GPI: variants seen among roughly 807,000 people sequenced by gnomAD.
The protein encoded by GPI is D-hexose-6-phosphate anomerase.
In GPI, 56 loss-of-function variants were observed where a neutral mutation model predicts 75.8. That is an observed-to-expected ratio of 0.74 (90% CI 0.60 to 0.92). The LOEUF is 0.92. Among genes scored for constraint, GPI ranks in the 40% least tolerant of loss-of-function variants. The probability of loss-of-function intolerance (pLI) is 0.00; values close to 1 mark genes in which losing one functional copy is unlikely to be tolerated. For missense variants in GPI, 638 were observed against 741.0 expected, an observed-to-expected ratio of 0.86 and a Z score of 1.61; for synonymous variants, 288 against 285.4, an observed-to-expected ratio of 1.01 and a Z score of -0.09.
intron 1 of GPI, chr19:34,365,928 G>C: frequency 2.1e-6 from 1 of 484,760 alleles, no homozygotes; most frequent in South Asian, 1.5e-5. Flanking sequence ...TCATGGGCGG[G>C]AGTGCGGCCA....
chr19:34,385,383 A>T (rs906381534), intron 9 of GPI, among the ~76,000 whole-genome samples: 7 of 151,668 alleles, frequency 4.6e-5, no homozygotes, highest in South Asian at 2.1e-4. Context: ...AAAAGAAAAA[A>T]GATGGGTGGG....
At chr19:34,364,190 G>A (rs8191356), upstream of GPI, among the ~76,000 whole-genome samples, 34,103 of 151,348 alleles carry the variant, frequency 0.23, 4,426 homozygotes, top group East Asian at 0.62. Context: ...CACATGCCCC[G>A]CTAATTTATT....
chr19:34,391,281 A>G (rs796431676), intron 9 of GPI, among the ~76,000 whole-genome samples: 1 of 5,150 alleles, frequency 1.9e-4, no homozygotes, highest in African/African-American at 1.0e-3. Flanking sequence ...GGGTCTGTCC[A>G]TGTCTAAGGA....
At chr19:34,389,888 A>G (rs2074796309) in intron 9 of GPI, among the ~76,000 whole-genome samples, 1 of 152,210 alleles carries the variant, frequency 6.6e-6, no homozygotes, top group Admixed American at 6.5e-5. Flanking sequence ...TGTGCTAGAA[A>G]TGTGGGAGGT....
intron 9 of GPI, among the ~76,000 whole-genome samples, chr19:34,385,227 T>A (rs1447707144): frequency 1.3e-5 from 2 of 151,948 alleles, no homozygotes; most frequent in Non-Finnish European, 2.9e-5. Context: ...CACACGCCTG[T>A]AATCCCAGCT....
At position 34,379,985 on chromosome 19, in the gene GPI, G is replaced by GTTTTTTTTTTTTTTTTTTTTTTTTTTT. The variant is rs1356302354; in HGVS notation, c.750+427_750+428insTTTTTTTTTTTTTTTTTTTTTTTTTTT. On this transcript the variant is annotated intron_variant, in intron 8 of 17. Transcript: ENST00000356487. ...TTTTGCCCCCTACTTAGTGTGTGTG[G>GTTTTTTTTTTTTTTTTTTTTTTTTTTT]TTTTGTTTTTTTTTTTTTTTTTTTT... 2 of 127,574 alleles carry GTTTTTTTTTTTTTTTTTTTTTTTTTTT rather than the reference G, an allele frequency of 1.6e-5. 1 individual carries two copies. The highest frequency in any genetic ancestry group is 7.9e-5 in the African/African-American group (2 of 25,198). 7.9% of individuals were successfully genotyped at this position (127,574 alleles called of 1,614,324 possible).
intron 9 of GPI, among the ~76,000 whole-genome samples, chr19:34,385,371 A>AG (rs1192889577): frequency 6.6e-6 from 1 of 151,980 alleles, no homozygotes; most frequent in East Asian, 1.9e-4. Context: ...AAAAAAAAAA[A>AG]AAAAAGAAAA....
intron 9 of GPI, among the ~76,000 whole-genome samples, chr19:34,382,213 C>T (rs902396345): frequency 1.3e-5 from 2 of 152,118 alleles, no homozygotes; most frequent in African/African-American, 4.8e-5. Flanking sequence ...TGGGCATGGC[C>T]GGGCTTACGT....
intron 2 of GPI, 47 bp from the exon 3 acceptor site, chr19:34,366,736 G>A: frequency 7.7e-7 from 1 of 1,302,384 alleles, no homozygotes; most frequent in South Asian, 1.2e-5. Context: ...TGACACTTGG[G>A]GTGGCCAGTG....
intron 3 of GPI, among the ~76,000 whole-genome samples, chr19:34,367,368 G>C (rs575549337): frequency 6.6e-6 from 1 of 152,300 alleles, no homozygotes; most frequent in East Asian, 1.9e-4. Context: ...CATGTGAGGA[G>C]TCTGAGGTTC....
rs144761841 is a variant in GPI, at chr19:34,366,974, G to C, written c.282+123G>C. On this transcript the variant is annotated intron_variant, in intron 3 of 17. Coordinates refer to ENST00000356487, the MANE Select transcript of GPI (RefSeq NM_000175.5). ...GGGCAATGCTTTTGCTTAATGAGGG[G>C]CCTGAAGGCCTTTTTCCTCCTGCTT... 2.4e-5 allele frequency: 19 copies of C among 793,120 alleles called. No individual in the cohort carries two copies. In the East Asian group the frequency reaches 4.9e-4, roughly 20 times the overall value. The allele number at this position is 793,120 out of a possible 1,614,324, so 49.1% of individuals were successfully genotyped here.
intron 9 of GPI, among the ~76,000 whole-genome samples, chr19:34,385,368 A>C (rs930703164): frequency 2.6e-5 from 4 of 151,884 alleles, no homozygotes; most frequent in Admixed American, 1.3e-4. Flanking sequence ...AACAAAAAAA[A>C]AAAAAAAAGA....
chr19:34,365,453 G>A (rs780469563), intron 1 of GPI, 65 bp downstream of exon 1: 38 of 1,513,646 alleles, frequency 2.5e-5, no homozygotes, highest in Non-Finnish European at 3.2e-5. Flanking sequence ...GCGGGCCTGG[G>A]GTCTGGAGGC....
At chr19:34,397,281 GT>G in intron 14 of GPI, 1 of 154,796 alleles carries the variant, frequency 6.5e-6, no homozygotes, top group Admixed American at 6.3e-5. Flanking sequence ...TTTCTCTATG[GT>G]TGTGGAACTG....
At chr19:34,367,813 C>A (rs973289167) in intron 3 of GPI, among the ~76,000 whole-genome samples, 2 of 152,204 alleles carry the variant, frequency 1.3e-5, no homozygotes, top group Non-Finnish European at 2.9e-5. Flanking sequence ...TGCTGCAAAT[C>A]CAAGGAGCTG....
At chr19:34,376,780 G>A (rs976112045) in intron 4 of GPI, among the ~76,000 whole-genome samples, 45 of 152,008 alleles carry the variant, frequency 3.0e-4, no homozygotes, top group African/African-American at 1.1e-3. Context: ...AGGCGCGGTG[G>A]CTCACACCTG....
In GPI at chr19:34,368,681, C is replaced by G. The variant is rs1294995137; in HGVS notation, c.381C>G (p.Asp127Glu). The change falls in exon 4 of 18, where the codon GAC (aspartate) becomes GAG (glutamate). Residue 127 changes from aspartate (D) to glutamate (E), a missense_variant. Transcript: ENST00000356487. ...DVMPEVNKVL[D>E]KMKSFCQRVR... ...TGCCAGAGGTCAACAAGGTTCTGGA[C>G]AAGATGAAGTCTTTCTGCCAGGTAA... The G allele has an allele frequency of 6.2e-7, 1 of 1,614,208 alleles. No individual in the cohort carries two copies. The highest frequency in any genetic ancestry group is 1.1e-5 in the South Asian group (1 of 91,082).
chr19:34,370,225 A>G (rs1323482669), intron 4 of GPI, among the ~76,000 whole-genome samples: 1 of 152,170 alleles, frequency 6.6e-6, no homozygotes, highest in Admixed American at 6.5e-5. Context: ...CCTAGCGGTG[A>G]TTCTGCAGGG....
rs2074999635 is a variant in GPI, at chr19:34,400,003, C to T, written c.1644C>T (p.Phe548=). 1 of 1,613,544 alleles carries T rather than the reference C, an allele frequency of 6.2e-7. No homozygotes were observed. The highest frequency in any genetic ancestry group is 8.5e-7 in the Non-Finnish European group (1 of 1,179,980). The change falls in exon 18 of 18, where the codon TTC becomes TTT. Residue 548 remains phenylalanine (F), a synonymous_variant. Transcript: ENST00000356487. ...HDASTNGLIN[F]IKQQREARVQ is the part of the protein sequence containing the mutation. Reference sequence around the variant, plus strand: ...CTTCTACCAATGGGCTCATCAACTTCATCAAGCAGCAGCGCGAGGCCAGAG... The same window carrying T: ...CTTCTACCAATGGGCTCATCAACTTTATCAAGCAGCAGCGCGAGGCCAGAG...
Sources: gnomAD v4.1 joint callset for allele counts (sites outside exome capture counted in the v4.1 genomes callset) on GRCh38, gnomAD v4.1.1 for gene constraint, MANE v1.5 for transcripts, NCBI Gene and HGNC (gene_info 2026-07-23, HGNC 2026-07-21) for gene names.